TMEM272: variants seen among roughly 807,000 people sequenced by gnomAD.
TMEM272 encodes the protein long intergenic non-protein coding RNA 282.
A neutral mutation model predicts 3.7 loss-of-function variants in TMEM272; 8 were observed. The observed-to-expected ratio is 2.17, with a 90% CI of 1.27 to 3.91. The LOEUF (loss-of-function observed/expected upper bound fraction) is 3.91, where lower values mean the gene tolerates loss of function less well. TMEM272 is among the 30% of genes most tolerant of loss of function. The pLI, the probability that TMEM272 is intolerant of heterozygous loss-of-function variation, is 0.00. For synonymous variants in TMEM272, 63 were observed against 39.8 expected (o/e 1.58, Z -2.20); for missense variants, 166 against 91.5 (o/e 1.81, Z -3.32).
the TMEM272 span, among the ~76,000 whole-genome samples, chr13:51,905,537 C>T: frequency 2.0e-5 from 3 of 152,334 alleles, no homozygotes; most frequent in South Asian, 6.2e-4. Context: ...ACAAAGGAAA[C>T]ACCCAGAGAG....
chr13:51,911,558 G>A, the TMEM272 span, among the ~76,000 whole-genome samples: 5 of 152,192 alleles, frequency 3.3e-5, no homozygotes, highest in South Asian at 6.2e-4. Context: ...CATCCGGAAA[G>A]CTTGCTCCTT....
chr13:51,837,804 C>T (rs529756069), intron 2 of TMEM272, among the ~76,000 whole-genome samples: 1 of 152,314 alleles, frequency 6.6e-6, no homozygotes, highest in South Asian at 2.1e-4. Flanking sequence ...TCTGCTGACC[C>T]TCCACCTTAG....
At chr13:51,928,229 A>G in the TMEM272 span, among the ~76,000 whole-genome samples, 25 of 152,276 alleles carry the variant, frequency 1.6e-4, no homozygotes, top group African/African-American at 5.8e-4. Flanking sequence ...CAACATAGAA[A>G]GGTGGCTTTT....
At chr13:51,873,679 C>T in the TMEM272 span, among the ~76,000 whole-genome samples, 26 of 152,310 alleles carry the variant, frequency 1.7e-4, no homozygotes, top group Middle Eastern at 3.4e-3. Context: ...GTTCTTCCCT[C>T]AGCCTTCACC....
the TMEM272 span, among the ~76,000 whole-genome samples, chr13:51,893,190 C>T: frequency 6.6e-6 from 1 of 152,186 alleles, no homozygotes; most frequent in Admixed American, 6.5e-5. Context: ...ACTAAGGAGA[C>T]CTTCTCAGAT....
At chr13:51,900,885 G>T in the TMEM272 span, among the ~76,000 whole-genome samples, 1 of 152,194 alleles carries the variant, frequency 6.6e-6, no homozygotes, top group African/African-American at 2.4e-5. Context: ...ACGTTTTATG[G>T]TTCCATTTAT....
the TMEM272 span, among the ~76,000 whole-genome samples, chr13:51,925,730 C>A: frequency 0.046 from 6,998 of 152,214 alleles, 159 homozygotes; most frequent in Middle Eastern, 0.099. Context: ...CCCCTAAACA[C>A]CCCTTACCCA....
the TMEM272 span, among the ~76,000 whole-genome samples, chr13:51,867,240 G>C: frequency 1.3e-5 from 2 of 152,180 alleles, no homozygotes; most frequent in Non-Finnish European, 2.9e-5. Context: ...GGCTGGCAGG[G>C]AAGGTGCATA....
At chr13:51,883,760 C>T in the TMEM272 span, among the ~76,000 whole-genome samples, 1 of 152,312 alleles carries the variant, frequency 6.6e-6, no homozygotes, top group East Asian at 1.9e-4. Context: ...AGGAATTTGT[C>T]TCCTGTTGCT....
In TMEM272 at chr13:51,816,999, A is replaced by C. The variant is rs1956035566; in HGVS notation, c.316T>G (p.Tyr106Asp). 1 of 702,888 alleles carries C rather than the reference A, an allele frequency of 1.4e-6. No homozygotes were observed. Among genetic ancestry groups the C allele is most frequent in the African/African-American group, 1.7e-5 (1 of 57,228 alleles). The allele number at this position is 702,888 out of a possible 1,614,324, so 43.5% of individuals were successfully genotyped here. A position where few individuals can be genotyped will look rare whatever the true frequency, so the allele number is the denominator to read the frequency against. Residue 106 changes from tyrosine (Y) to aspartate (D), a missense_variant, in exon 5 of 5, where the codon TAC becomes GAC. Physicochemically the swap from Tyr to Asp is radical, Grantham distance 160. Coordinates refer to ENST00000629372, the MANE Select transcript of TMEM272 (RefSeq NM_001351003.2). ...AAGAGGCTCAGCAGGAGGTGGATGTAGTATCTGTGCGCATTCTGCCTCCAG... is the reference window on the plus strand; with the variant it reads ...AAGAGGCTCAGCAGGAGGTGGATGTCGTATCTGTGCGCATTCTGCCTCCAG... ...YPWRQNAHRY[Y>D]IHLLLSLFLF...
intron 1 of TMEM272, among the ~76,000 whole-genome samples, chr13:51,842,632 T>G (rs1211902600): frequency 6.6e-6 from 1 of 152,176 alleles, no homozygotes. Context: ...TTTTGGAGCT[T>G]TTAAGTATAT....
At chr13:51,851,887 G>A in the TMEM272 span, among the ~76,000 whole-genome samples, 2 of 152,178 alleles carry the variant, frequency 1.3e-5, no homozygotes, top group Non-Finnish European at 1.5e-5. Context: ...TATGTAAGTG[G>A]TTCCCTATTG....
the TMEM272 span, among the ~76,000 whole-genome samples, chr13:51,903,229 T>C: frequency 6.6e-6 from 1 of 152,306 alleles, no homozygotes; most frequent in Admixed American, 6.5e-5. Flanking sequence ...AGCAGCAAGG[T>C]GATCTAGAGA....
chr13:51,901,524 T>C, the TMEM272 span, among the ~76,000 whole-genome samples: 1 of 129,494 alleles, frequency 7.7e-6, no homozygotes, highest in Non-Finnish European at 1.5e-5. Context: ...AAGTCAAAAA[T>C]GAAGAAGAAT....
chr13:51,841,256 C>T (rs983680976), intron 1 of TMEM272, among the ~76,000 whole-genome samples: 1 of 152,240 alleles, frequency 6.6e-6, no homozygotes, highest in Non-Finnish European at 1.5e-5. Flanking sequence ...GTGTACTTCA[C>T]ATCTTCCAGC....
At chr13:51,885,090 A>C in the TMEM272 span, among the ~76,000 whole-genome samples, 1 of 152,192 alleles carries the variant, frequency 6.6e-6, no homozygotes, top group Non-Finnish European at 1.5e-5. Flanking sequence ...CTTAGAAGTG[A>C]GCACCTGACC....
the TMEM272 span, among the ~76,000 whole-genome samples, chr13:51,884,465 T>G: frequency 6.6e-6 from 1 of 152,222 alleles, no homozygotes; most frequent in African/African-American, 2.4e-5. Context: ...ATATGTGAAA[T>G]GAATAGTTGA....
the TMEM272 span, among the ~76,000 whole-genome samples, chr13:51,894,473 C>A: frequency 6.6e-6 from 1 of 152,196 alleles, no homozygotes. Context: ...GACGTATTCA[C>A]CCTTGGAGCC....
chr13:51,870,761 G>A, the TMEM272 span, among the ~76,000 whole-genome samples: 2 of 152,310 alleles, frequency 1.3e-5, no homozygotes, highest in Non-Finnish European at 2.9e-5. Context: ...CACCAAGGCT[G>A]GAAAATTAGC....
Sources: gnomAD v4.1 joint callset for allele counts (sites outside exome capture counted in the v4.1 genomes callset) on GRCh38, gnomAD v4.1.1 for gene constraint, MANE v1.5 for transcripts, NCBI Gene and HGNC (gene_info 2026-07-23, HGNC 2026-07-21) for gene names.